The following POLR1F variants were observed in gnomAD, a reference collection of about 807,000 sequenced individuals.
POLR1F encodes RNA polymerase I subunit F, also known as DNA-directed RNA polymerase I subunit RPA43.
Under a neutral mutation model 21.8 loss-of-function variants are expected in POLR1F, and 23 were observed. That is an observed-to-expected ratio of 1.05 (90% confidence interval 0.76 to 1.49). The LOEUF (loss-of-function observed/expected upper bound fraction) is 1.49, where lower values mean the gene tolerates loss of function less well. POLR1F is among the 40% of genes most tolerant of loss of function. The pLI, the probability that POLR1F is intolerant of heterozygous loss-of-function variation, is 0.00. For missense variants in POLR1F, 435 were observed against 412.1 expected, an observed-to-expected ratio of 1.06 and a Z score of -0.48; for synonymous variants, 162 against 152.8, an observed-to-expected ratio of 1.06 and a Z score of -0.45.
At chr7:19,705,049 G>A (rs1205760295) in intron 1 of POLR1F, 129 bp from the exon 2 acceptor site, 8 of 847,556 alleles carry the variant, frequency 9.4e-6, no homozygotes, top group South Asian at 4.5e-5. Context: ...CTGCAGCCTC[G>A]ACCTCCTGGG....
intron 3 of POLR1F, among the ~76,000 whole-genome samples, chr7:19,699,642 T>A: frequency 6.6e-6 from 1 of 152,260 alleles, no homozygotes; most frequent in Admixed American, 6.5e-5. Context: ...ATAATTTCTA[T>A]ACAGAATAAT....
rs567970070 is a variant in POLR1F at position 19,708,699 on chromosome 7, G to C, written c.254+64C>G. On this transcript the variant is annotated intron_variant, in intron 1 of 3. Transcript: ENST00000222567. The stretch of plus-strand genomic sequence containing the variant: ...GCCATTTGCCCCTTTCTGCTGCGTC[G>C]TCAGCACATCCACCTGCTTTACTTC... 12 of 1,558,732 alleles carry C rather than the reference G, an allele frequency of 7.7e-6. No homozygotes were observed. The Admixed American group carries it at 1.6e-4, about 20-fold the overall frequency.
At position 19,700,134 on chromosome 7, in the gene POLR1F, T is replaced by A; in HGVS notation, c.543A>T (p.Val181=). Residue 181 remains valine, a synonymous_variant, in exon 3 of 4, where the codon GTA becomes GTT. Transcript: ENST00000222567. ...INMGDELEFE[V]FRLDSDAAGV... is the part of the protein sequence containing the mutation. ...CAGCAGCATCTGAGTCTAAACGAAA[T>A]ACTTCAAATTCTAGTTCATCACCCA... is the stretch of plus-strand genomic sequence containing the variant. 1 of 1,613,936 alleles carries A rather than the reference T, an allele frequency of 6.2e-7. No homozygotes were observed. The highest frequency in any genetic ancestry group is 8.5e-7 in the Non-Finnish European group (1 of 1,179,842).
intron 1 of POLR1F, among the ~76,000 whole-genome samples, chr7:19,707,610 T>C (rs996614670): frequency 6.6e-6 from 1 of 152,214 alleles, no homozygotes; most frequent in Non-Finnish European, 1.5e-5. Context: ...GTTACCATGT[T>C]AAAGTACCCT....
rs1387488622 is a variant in POLR1F, at chr7:19,695,994, G to C, written c.*2322C>G. On this transcript the variant is annotated 3_prime_UTR_variant, in exon 4 of 4. Transcript: ENST00000222567. ...CAGAAACTGCTTAAAAGTCATTTCT[G>C]TATCACTGGTGACTAGTGAGGTGTC... 2 of 152,188 alleles carry C rather than the reference G, an allele frequency of 1.3e-5. No individual in the cohort carries two copies. Among genetic ancestry groups the C allele is most frequent in the Non-Finnish European group, 2.9e-5 (2 of 67,992 alleles). The allele number at this position is 152,188 out of a possible 1,614,324, so 9.4% of individuals were successfully genotyped here. A position where few individuals can be genotyped will look rare whatever the true frequency, so the allele number is the denominator to read the frequency against.
chr7:19,707,705 T>C (rs575345652), intron 1 of POLR1F, among the ~76,000 whole-genome samples: 8 of 152,304 alleles, frequency 5.3e-5, no homozygotes, highest in Admixed American at 1.3e-4. Context: ...TTTAACACTT[T>C]ACTATTTATT....
At chr7:19,698,748 A>G in intron 3 of POLR1F, 21 bp from the exon 4 acceptor site, 7 of 1,493,744 alleles carry the variant, frequency 4.7e-6, no homozygotes, top group Non-Finnish European at 6.2e-6. Context: ...ACAGTTAAAA[A>G]AATTAACAGA....
rs544353322 is a variant in POLR1F at position 19,701,861 on chromosome 7, C to T, written c.397-1581G>A. On this transcript the variant is annotated intron_variant, in intron 2 of 3. Coordinates refer to ENST00000222567, the MANE Select transcript of POLR1F (RefSeq NM_001002926.2). Reference sequence around the variant, plus strand: ...CAGAGCTTCTGTTGTTAATTGTATACGAAATAAATGCCTGGAGTGTGAACT... The same window carrying T: ...CAGAGCTTCTGTTGTTAATTGTATATGAAATAAATGCCTGGAGTGTGAACT... Among the ~76,000 whole-genome samples the T allele has an allele frequency of 2.2e-3, 328 of 151,854 alleles. 1 individual carries two copies. Among genetic ancestry groups the T allele is most frequent in the Non-Finnish European group, 3.8e-3 (261 of 67,958 alleles).
chr7:19,696,717 A>G lies in POLR1F; in HGVS notation c.*1599T>C, dbSNP rs1783369278. Reference sequence around the variant, plus strand: ...TGTACAATTTTTAATCTTTTTGCAGAAAAATAAACTGAGAAAGGCTAAAAT... The same window carrying G: ...TGTACAATTTTTAATCTTTTTGCAGGAAAATAAACTGAGAAAGGCTAAAAT... On this transcript the variant is annotated 3_prime_UTR_variant, in exon 4 of 4. Transcript: ENST00000222567. 1 of 152,110 alleles carries G rather than the reference A, an allele frequency of 6.6e-6. No homozygotes were observed. Among genetic ancestry groups the G allele is most frequent in the East Asian group, 1.9e-4 (1 of 5,198 alleles). 9.4% of individuals were successfully genotyped at this position (152,110 alleles called of 1,614,324 possible). A position where few individuals can be genotyped will look rare whatever the true frequency, so the allele number is the denominator to read the frequency against.
In POLR1F at chr7:19,708,995, C is replaced by G; in HGVS notation, c.22G>C (p.Ala8Pro). The change falls in exon 1 of 4, where the codon GCG becomes CCG. Residue 8 changes from alanine (A) to proline (P), a missense_variant. Ala to Pro is a conservative substitution (Grantham distance 27, BLOSUM62 -1). Coordinates refer to ENST00000222567, the MANE Select transcript of POLR1F (RefSeq NM_001002926.2). The stretch of plus-strand genomic sequence containing the variant: ...TCAGAAGCCGCCGCTGGCCGCGGCG[C>G]CTCTGAGCAACCTGCAGCCATGCTG... MAAGCSEAPRPAAASDGS... is the reference protein window; with the variant it reads MAAGCSEPPRPAAASDGS... The G allele has an allele frequency of 6.3e-7, 1 of 1,592,508 alleles. No individual in the cohort carries two copies. The highest frequency in any genetic ancestry group is 2.2e-5 in the East Asian group (1 of 44,462).
Position 19,706,908 on chromosome 7 carries a change from C to A in POLR1F, c.254+1855G>T, listed in dbSNP as rs1783533751. The stretch of plus-strand genomic sequence containing the variant: ...TGTCCCTTATTAGTAATGCATAGTT[C>A]AAAGTGTGGTGCCTGATTTGCACTT... On this transcript the variant is annotated intron_variant, in intron 1 of 3. Transcript: ENST00000222567. Among the ~76,000 whole-genome samples, 3 of 152,108 alleles carry A rather than the reference C, an allele frequency of 2.0e-5. No homozygotes were observed. In the South Asian group the frequency reaches 6.2e-4, roughly 32 times the overall value.
chr7:19,704,792 C>A lies in POLR1F; in HGVS notation c.383G>T (p.Gly128Val). 1 of 1,599,570 alleles carries A rather than the reference C, an allele frequency of 6.3e-7. No individual in the cohort carries two copies. The highest frequency in any genetic ancestry group is 1.1e-5 in the South Asian group (1 of 86,982). Residue 128 changes from glycine to valine, a missense_variant, in exon 2 of 4, where the codon GGG becomes GTG. Physicochemically the swap from Gly to Val is moderately radical, Grantham distance 109. Coordinates refer to ENST00000222567, the MANE Select transcript of POLR1F (RefSeq NM_001002926.2). ...TGATACACATACCATAAGCTTCTGC[C>A]CTGGTTCAGGGCAGAAAATAACAAA... is the stretch of plus-strand genomic sequence containing the variant. ...ADFVIFCPEP[G>V]QKLMGIVNKV...
At position 19,708,911 on chromosome 7, in the gene POLR1F, C is replaced by T. The variant is rs756414059; in HGVS notation, c.106G>A (p.Ala36Thr). Reference protein sequence around the residue: ...LPCLELPTYAAACALVNSRYS... With the variant: ...LPCLELPTYATACALVNSRYS... ...CGACTGTTCACCAGCGCACAAGCAG[C>T]GGCATAAGTCGGCAACTCTAGGCAA... Residue 36 changes from alanine to threonine, a missense_variant, in exon 1 of 4, where the codon GCT (alanine) becomes ACT (threonine). Coordinates refer to ENST00000222567, the MANE Select transcript of POLR1F (RefSeq NM_001002926.2). The T allele has an allele frequency of 3.4e-5, 55 of 1,613,826 alleles. No homozygotes were observed. The highest frequency in any genetic ancestry group is 4.1e-5 in the Non-Finnish European group (48 of 1,179,942).
At chr7:19,708,656 G>A in intron 1 of POLR1F, 107 bp downstream of exon 1, 1 of 1,462,902 alleles carries the variant, frequency 6.8e-7, no homozygotes, top group Non-Finnish European at 9.3e-7. Flanking sequence ...CTAAGCTCTG[G>A]GGGGCAATGC....
chr7:19,695,511 T>A lies in POLR1F; in HGVS notation c.*2805A>T, dbSNP rs528220432. On this transcript the variant is annotated 3_prime_UTR_variant, in exon 4 of 4. Transcript: ENST00000222567. ...TTATCAATTTAAAATTATCTGTTGA[T>A]GCTTTCATTATACAAAGGATTCACT... is the stretch of plus-strand genomic sequence containing the variant. The A allele has an allele frequency of 6.6e-6, 1 of 152,224 alleles. No individual in the cohort carries two copies. Among genetic ancestry groups the A allele is most frequent in the Non-Finnish European group, 1.5e-5 (1 of 67,966 alleles). 9.4% of individuals were successfully genotyped at this position (152,224 alleles called of 1,614,324 possible). A position where few individuals can be genotyped will look rare whatever the true frequency, so the allele number is the denominator to read the frequency against.
At position 19,698,432 on chromosome 7, in the gene POLR1F, C is replaced by A; in HGVS notation, c.901G>T (p.Gly301Cys). 2 of 1,612,550 alleles carry A rather than the reference C, an allele frequency of 1.2e-6. No homozygotes were observed. Among genetic ancestry groups the A allele is most frequent in the Non-Finnish European group, 1.7e-6 (2 of 1,179,550 alleles). ...DPVFQGSDSSGYQSDHKKKKK... is the reference protein window; with the variant it reads ...DPVFQGSDSSCYQSDHKKKKK... The stretch of plus-strand genomic sequence containing the variant: ...TTCTTTTTATGGTCACTTTGGTAAC[C>A]ACTGGAGTCACTGCCTTGGAAAACA... Residue 301 changes from glycine to cysteine, a missense_variant, in exon 4 of 4, where the codon GGT (glycine) becomes TGT (cysteine). Physicochemically the swap from Gly to Cys is radical, Grantham distance 159. Transcript: ENST00000222567.
At chr7:19,705,049 G>C (rs1205760295) in intron 1 of POLR1F, 129 bp from the exon 2 acceptor site, 3 of 847,558 alleles carry the variant, frequency 3.5e-6, no homozygotes, top group South Asian at 4.5e-5. Context: ...CTGCAGCCTC[G>C]ACCTCCTGGG....
chr7:19,698,263 C>G lies in POLR1F; in HGVS notation c.*53G>C. Reference sequence around the variant, plus strand: ...TTTCATATCACTGAAAACATTTATTCATCTATTGTATGTAGATCGATCTTT... The same window carrying G: ...TTTCATATCACTGAAAACATTTATTGATCTATTGTATGTAGATCGATCTTT... On this transcript the variant is annotated 3_prime_UTR_variant, in exon 4 of 4. Coordinates refer to ENST00000222567, the MANE Select transcript of POLR1F (RefSeq NM_001002926.2). 1 of 1,429,510 alleles carries G rather than the reference C, an allele frequency of 7.0e-7. No individual in the cohort carries two copies. The highest frequency in any genetic ancestry group is 9.2e-7 in the Non-Finnish European group (1 of 1,083,046). The allele number at this position is 1,429,510 out of a possible 1,614,324, so 88.6% of individuals were successfully genotyped here. A position where few individuals can be genotyped will look rare whatever the true frequency, so the allele number is the denominator to read the frequency against.
Position 19,708,762 on chromosome 7 carries a change from C to A in POLR1F, c.254+1G>T. ...GAAGGAACAGGCAAAGAGATCGGTA[C>A]CTCTCAGAATAGCGAAGGAGCTCCG... is the stretch of plus-strand genomic sequence containing the variant. On this transcript the variant is annotated splice_donor_variant, in intron 1 of 3. Transcript: ENST00000222567. LOFTEE classifies it high-confidence loss of function. 6.2e-7 allele frequency: 1 copy of A among 1,607,428 alleles called. No individual in the cohort carries two copies. The highest frequency in any genetic ancestry group is 8.5e-7 in the Non-Finnish European group (1 of 1,174,452).
Sources: allele counts gnomAD v4.1 joint callset (sites outside exome capture counted in the v4.1 genomes callset), GRCh38; gene constraint gnomAD v4.1.1; transcripts MANE v1.5; gene names NCBI Gene and HGNC (gene_info 2026-07-23, HGNC 2026-07-21).